FAM193A: variants seen among roughly 807,000 people sequenced by gnomAD.
FAM193A encodes family with sequence similarity 193 member A.
A neutral mutation model predicts 126.5 loss-of-function variants in FAM193A; 22 were observed. The ratio of observed to expected loss-of-function variants is 0.17; its 90% CI spans 0.12 to 0.25. FAM193A has a LOEUF of 0.25. FAM193A is among the 10% of genes least tolerant of loss of function. The pLI, the probability that FAM193A is intolerant of heterozygous loss-of-function variation, is 1.00. For synonymous variants in FAM193A, 761 were observed against 646.8 expected, an observed-to-expected ratio of 1.18 and a Z score of -2.68; for missense variants, 1,675 against 1,672.8, an observed-to-expected ratio of 1.00 and a Z score of -0.02.
chr4:2,724,917 C>T (rs542338617), intron 20 of FAM193A, among the ~76,000 whole-genome samples: 1 of 152,076 alleles, frequency 6.6e-6, no homozygotes, highest in African/African-American at 2.4e-5. Flanking sequence ...CTCTTGTCAC[C>T]CAGACTGGAG....
At chr4:2,570,363 A>T (rs1739219774) in intron 1 of FAM193A, among the ~76,000 whole-genome samples, 1 of 152,186 alleles carries the variant, frequency 6.6e-6, no homozygotes, top group Non-Finnish European at 1.5e-5. Context: ...CTAACTCTGA[A>T]TCTAAGTTCA....
At chr4:2,715,998 T>C (rs1469849406) in intron 19 of FAM193A, 25 bp from the exon 20 acceptor site, 5 of 1,345,432 alleles carry the variant, frequency 3.7e-6, no homozygotes, top group Middle Eastern at 1.8e-4. Flanking sequence ...GTAATTTGAC[T>C]TGCTGCTTCT....
At position 2,663,108 on chromosome 4, in the gene FAM193A, G is replaced by A; in HGVS notation, c.1900-1G>A. The A allele has an allele frequency of 1.2e-6, 2 of 1,610,276 alleles. No homozygotes were observed. The highest frequency in any genetic ancestry group is 1.7e-6 in the Non-Finnish European group (2 of 1,177,992). On this transcript the variant is annotated splice_acceptor_variant, in intron 11 of 20. Transcript: ENST00000637812. LOFTEE classifies it high-confidence loss of function. ...CAAATTACAAAAGATTGTCTTTAAAGTCTCCTCAGATAAGCAGTACCAGCA... is the reference window on the plus strand; with the variant it reads ...CAAATTACAAAAGATTGTCTTTAAAATCTCCTCAGATAAGCAGTACCAGCA...
intron 1 of FAM193A, among the ~76,000 whole-genome samples, chr4:2,538,389 C>G (rs747138966): frequency 8.6e-5 from 13 of 152,036 alleles, no homozygotes; most frequent in Non-Finnish European, 1.5e-4. Flanking sequence ...GACAGGGTTT[C>G]ACCATGTTGG....
chr4:2,666,082 G>T (rs984780093), intron 12 of FAM193A, among the ~76,000 whole-genome samples: 1 of 152,182 alleles, frequency 6.6e-6, no homozygotes, highest in Admixed American at 6.5e-5. Flanking sequence ...TAGGGGGAAA[G>T]CATTTAATCT....
intron 19 of FAM193A, among the ~76,000 whole-genome samples, chr4:2,701,380 G>T (rs1044057611): frequency 1.3e-5 from 2 of 151,322 alleles, no homozygotes; most frequent in Non-Finnish European, 2.9e-5. Flanking sequence ...CCTTTGGATC[G>T]GTTTCTCTGT....
intron 2 of FAM193A, among the ~76,000 whole-genome samples, chr4:2,620,439 A>G (rs191300221): frequency 1.3e-5 from 2 of 152,332 alleles, no homozygotes; most frequent in Admixed American, 6.5e-5. Context: ...CCAGGATTTC[A>G]GATAGCAGTT....
rs927022399 is a variant in FAM193A, at chr4:2,646,796, G to A, written c.1275G>A (p.Glu425=). The A allele has an allele frequency of 1.2e-6, 2 of 1,613,890 alleles. No homozygotes were observed. The highest frequency in any genetic ancestry group is 2.2e-5 in the East Asian group (1 of 44,876). ...GCAGAGTCGCCGAGGAGTGGCTGGA[G>A]TGCCAGAAGAGGATCGACGCCTATG... ...ELRRVAEEWL[E]CQKRIDAYVD... Residue 425 remains glutamate, a synonymous_variant, in exon 7 of 21, where the codon GAG becomes GAA. Coordinates refer to ENST00000637812, the MANE Select transcript of FAM193A (RefSeq NM_001366318.2).
intron 2 of FAM193A, among the ~76,000 whole-genome samples, chr4:2,613,929 C>T (rs1374903366): frequency 1.3e-5 from 2 of 151,960 alleles, no homozygotes; most frequent in Non-Finnish European, 2.9e-5. Flanking sequence ...TGCGTACCAC[C>T]ATGCCCAGCT....
intron 5 of FAM193A, among the ~76,000 whole-genome samples, chr4:2,634,134 C>T (rs1316217865): frequency 1.3e-5 from 2 of 152,134 alleles, no homozygotes; most frequent in Non-Finnish European, 2.9e-5. Flanking sequence ...GTGGAAACTC[C>T]GAGCACCGAA....
chr4:2,661,766 C>T (rs975657667), intron 10 of FAM193A, among the ~76,000 whole-genome samples: 3 of 152,146 alleles, frequency 2.0e-5, no homozygotes, highest in Admixed American at 6.5e-5. Context: ...AAGATGGACT[C>T]AGTGCATGTT....
At chr4:2,660,939 G>A (rs1712364092) in intron 10 of FAM193A, among the ~76,000 whole-genome samples, 1 of 152,220 alleles carries the variant, frequency 6.6e-6, no homozygotes. Flanking sequence ...TAGAGACACT[G>A]TGTACTCTCC....
intron 13 of FAM193A, among the ~76,000 whole-genome samples, chr4:2,678,301 G>A (rs1415970127): frequency 6.7e-6 from 1 of 149,674 alleles, no homozygotes; most frequent in Non-Finnish European, 1.5e-5. Context: ...TAGTTTTTAT[G>A]ATACAACTCT....
intron 10 of FAM193A, among the ~76,000 whole-genome samples, chr4:2,662,020 A>G (rs966573044): frequency 6.6e-6 from 1 of 151,972 alleles, no homozygotes; most frequent in Non-Finnish European, 1.5e-5. Context: ...CATCTCTACT[A>G]AAAATACAAA....
At chr4:2,660,616 T>C (rs1021176470) in intron 10 of FAM193A, among the ~76,000 whole-genome samples, 2 of 152,226 alleles carry the variant, frequency 1.3e-5, no homozygotes, top group Non-Finnish European at 2.9e-5. Context: ...CACTTGATCA[T>C]ATGTAGTTGC....
At chr4:2,601,557 T>C (rs1741198293) in intron 2 of FAM193A, among the ~76,000 whole-genome samples, 1 of 151,454 alleles carries the variant, frequency 6.6e-6, no homozygotes, top group Non-Finnish European at 1.5e-5. Context: ...CTCATATTTG[T>C]GCCTTCTTTT....
chr4:2,634,501 A>G (rs902862427), intron 5 of FAM193A, among the ~76,000 whole-genome samples: 26 of 152,216 alleles, frequency 1.7e-4, no homozygotes, highest in African/African-American at 6.3e-4. Flanking sequence ...TAACAAAGAT[A>G]TTTAAATTTT....
chr4:2,676,196 C>G (rs930576506), intron 13 of FAM193A, among the ~76,000 whole-genome samples: 80 of 152,156 alleles, frequency 5.3e-4, no homozygotes, highest in South Asian at 6.2e-4. Context: ...GGAGGAACTG[C>G]CACCGTTTCC....
intron 12 of FAM193A, among the ~76,000 whole-genome samples, chr4:2,670,074 T>C (rs956471560): frequency 2.6e-5 from 4 of 152,190 alleles, no homozygotes; most frequent in African/African-American, 9.7e-5. Flanking sequence ...GTTCTGCACA[T>C]GCTGGAGTGC....
Sources: allele counts gnomAD v4.1 joint callset (sites outside exome capture counted in the v4.1 genomes callset), GRCh38; gene constraint gnomAD v4.1.1; transcripts MANE v1.5; gene names NCBI Gene and HGNC (gene_info 2026-07-23, HGNC 2026-07-21).